PLCL1: variants seen among roughly 807,000 people sequenced by gnomAD.
PLCL1 encodes the protein inactive phospholipase C-like protein 1.
PLCL1 carries 41 observed loss-of-function variants against 84.4 expected under a neutral mutation model. The ratio of observed to expected loss-of-function variants is 0.49; its 90% CI spans 0.38 to 0.63. The LOEUF (loss-of-function observed/expected upper bound fraction) is 0.63. PLCL1 is among the 30% of genes least tolerant of loss of function. The pLI is 0.00. For missense variants in PLCL1, 1,206 were observed against 1,367.8 expected (o/e 0.88, Z 1.87); for synonymous variants, 490 against 488.3 (o/e 1.00, Z -0.05).
rs190914751 is a variant in PLCL1 at position 197,811,863 on chromosome 2, C to T, written c.240+6524C>T. Among the ~76,000 whole-genome samples, 368 of 152,014 alleles carry T rather than the reference C, an allele frequency of 2.4e-3. 2 individuals carry two copies. Among genetic ancestry groups the T allele is most frequent in the Non-Finnish European group, 2.2e-3 (151 of 67,970 alleles). ...GGGGTGTACATGTGTAAGTTTGTTC[C>T]TTGGGTAAATTGCATGTTGCTGAGG... On this transcript the variant is annotated intron_variant, in intron 1 of 5. Transcript: ENST00000428675.
chr2:198,077,355 TA>T (rs534465792), intron 1 of PLCL1, among the ~76,000 whole-genome samples: 17 of 150,942 alleles, frequency 1.1e-4, no homozygotes, highest in Admixed American at 3.3e-4. Context: ...AATAATAATT[TA>T]AAAAAAAAGG....
intron 1 of PLCL1, among the ~76,000 whole-genome samples, chr2:198,041,083 C>A (rs1371248730): frequency 6.6e-6 from 1 of 152,144 alleles, no homozygotes; most frequent in Admixed American, 6.5e-5. Context: ...GCAGTGTTAG[C>A]CTGAGATCTC....
At chr2:198,083,488 A>C (rs139662201) in intron 1 of PLCL1, among the ~76,000 whole-genome samples, 3 of 152,324 alleles carry the variant, frequency 2.0e-5, no homozygotes, top group South Asian at 4.1e-4. Flanking sequence ...AATCTGCTTT[A>C]ATGAACAAAT....
chr2:198,122,837 TCTAA>T lies in PLCL1; in HGVS notation c.3105+18902_3105+18905del, dbSNP rs1248497686. ...AATATGTATTCTCTCTAGACAGTGT[TCTAA>T]GTGTTTTGTACTTATTAAATCAGTA... On this transcript the variant is annotated intron_variant, in intron 5 of 5. Coordinates refer to ENST00000428675, the MANE Select transcript of PLCL1 (RefSeq NM_006226.4). Among the ~76,000 whole-genome samples, 16 of 152,258 alleles carry T rather than the reference TCTAA, an allele frequency of 1.1e-4. 1 individual carries two copies. Among genetic ancestry groups the T allele is most frequent in the African/African-American group, 3.1e-4 (13 of 41,560 alleles).
At chr2:197,823,039 A>G (rs1256444302) in intron 1 of PLCL1, among the ~76,000 whole-genome samples, 3 of 152,094 alleles carry the variant, frequency 2.0e-5, no homozygotes, top group Non-Finnish European at 4.4e-5. Context: ...GGTAAAAATC[A>G]TAGGTAAAAA....
intron 1 of PLCL1, among the ~76,000 whole-genome samples, chr2:197,858,451 C>T (rs988776157): frequency 3.3e-5 from 5 of 152,162 alleles, no homozygotes; most frequent in African/African-American, 1.2e-4. Flanking sequence ...CTATCGCGTT[C>T]TCCCTTATGC....
chr2:198,023,533 G>T (rs1259559671), intron 1 of PLCL1, among the ~76,000 whole-genome samples: 1 of 152,076 alleles, frequency 6.6e-6, no homozygotes, highest in East Asian at 1.9e-4. Flanking sequence ...AATCTACAAG[G>T]AACTTAAACA....
At chr2:198,027,587 G>A (rs942671458) in intron 1 of PLCL1, among the ~76,000 whole-genome samples, 5 of 151,952 alleles carry the variant, frequency 3.3e-5, no homozygotes, top group African/African-American at 1.2e-4. Context: ...TTTGTATTTT[G>A]AAACATCATG....
intron 1 of PLCL1, among the ~76,000 whole-genome samples, chr2:197,815,284 C>G (rs1283461382): frequency 2.0e-5 from 3 of 152,086 alleles, no homozygotes; most frequent in Non-Finnish European, 4.4e-5. Flanking sequence ...CTACTCTGTG[C>G]CCTATGAATG....
At chr2:198,138,216 A>G (rs530453059) in intron 5 of PLCL1, among the ~76,000 whole-genome samples, 2 of 152,282 alleles carry the variant, frequency 1.3e-5, no homozygotes, top group Admixed American at 6.5e-5. Flanking sequence ...CACGCTGTAC[A>G]GGAGGCATGG....
At chr2:198,047,907 C>T (rs929067516) in intron 1 of PLCL1, among the ~76,000 whole-genome samples, 5 of 152,138 alleles carry the variant, frequency 3.3e-5, no homozygotes, top group African/African-American at 7.2e-5. Flanking sequence ...GAAGTAGGTA[C>T]GCTCCTTGCA....
intron 1 of PLCL1, among the ~76,000 whole-genome samples, chr2:197,834,413 G>T (rs1253671466): frequency 6.6e-6 from 1 of 151,912 alleles, no homozygotes; most frequent in Non-Finnish European, 1.5e-5. Context: ...TCTGACAAAG[G>T]GCTAATATCC....
At chr2:198,024,504 C>T (rs1287440744) in intron 1 of PLCL1, among the ~76,000 whole-genome samples, 1 of 152,348 alleles carries the variant, frequency 6.6e-6, no homozygotes, top group Non-Finnish European at 1.5e-5. Context: ...TGGCTCATGC[C>T]TGTAATCCCA....
At chr2:197,963,065 G>T (rs1414585999) in intron 1 of PLCL1, among the ~76,000 whole-genome samples, 1 of 152,042 alleles carries the variant, frequency 6.6e-6, no homozygotes, top group Non-Finnish European at 1.5e-5. Flanking sequence ...TTGATATACT[G>T]ATTTCCTTTC....
intron 1 of PLCL1, among the ~76,000 whole-genome samples, chr2:198,041,364 G>A (rs1309673489): frequency 1.3e-5 from 2 of 150,780 alleles, no homozygotes; most frequent in African/African-American, 4.9e-5. Context: ...GAAATAAGTA[G>A]ACAATGTTCT....
At chr2:197,962,785 A>G (rs1689650520) in intron 1 of PLCL1, among the ~76,000 whole-genome samples, 1 of 151,636 alleles carries the variant, frequency 6.6e-6, no homozygotes, top group Admixed American at 6.6e-5. Context: ...TACTATCTCC[A>G]TGGGTTTGTT....
At chr2:197,861,509 A>G (rs549984514) in intron 1 of PLCL1, among the ~76,000 whole-genome samples, 41 of 152,308 alleles carry the variant, frequency 2.7e-4, no homozygotes, top group East Asian at 2.3e-3. Context: ...TAGCAAATTA[A>G]TCAAACTTGA....
At chr2:197,916,692 G>T (rs1197817538) in intron 1 of PLCL1, among the ~76,000 whole-genome samples, 1 of 151,672 alleles carries the variant, frequency 6.6e-6, no homozygotes, top group Non-Finnish European at 1.5e-5. Context: ...ACCAGATACT[G>T]CCCAAAAATA....
At chr2:197,889,523 C>T (rs74652956) in intron 1 of PLCL1, among the ~76,000 whole-genome samples, 29,254 of 151,852 alleles carry the variant, frequency 0.19, 2,868 homozygotes, top group East Asian at 0.27. Flanking sequence ...CTTTTTTCTC[C>T]GATTTACTTC....
Sources: allele counts gnomAD v4.1 joint callset (sites outside exome capture counted in the v4.1 genomes callset), GRCh38; gene constraint gnomAD v4.1.1; transcripts MANE v1.5; gene names NCBI Gene and HGNC (gene_info 2026-07-23, HGNC 2026-07-21).